Variants in SULT1B1 observed in about 807,000 individuals in gnomAD.
SULT1B1 encodes sulfotransferase family 1B member 1, also known as sulfotransferase 1B1.
In SULT1B1, 28 loss-of-function variants were observed where a neutral mutation model predicts 34.6. The ratio of observed to expected loss-of-function variants is 0.81; its 90% confidence interval spans 0.60 to 1.11. The LOEUF (loss-of-function observed/expected upper bound fraction) is 1.11. Among genes scored for constraint, SULT1B1 ranks in the 50% least tolerant of loss-of-function variants. The probability of loss-of-function intolerance (pLI) is 0.00; values close to 1 mark genes in which losing one functional copy is unlikely to be tolerated. For missense variants in SULT1B1, 374 were observed against 352.2 expected, an observed-to-expected ratio of 1.06 and a Z score of -0.50; for synonymous variants, 147 against 110.2, an observed-to-expected ratio of 1.33 and a Z score of -2.09.
rs778981988 is a variant in SULT1B1, at chr4:69,755,240, A to G, written c.-23T>C. 1 of 1,603,946 alleles carries G rather than the reference A, an allele frequency of 6.2e-7. No homozygotes were observed. The highest frequency in any genetic ancestry group is 1.7e-5 in the Admixed American group (1 of 59,692). On this transcript the variant is annotated 5_prime_UTR_variant, in exon 2 of 8. Coordinates refer to ENST00000310613, the MANE Select transcript of SULT1B1 (RefSeq NM_014465.4). ...CATTTTAATACCAGATTGTACAAAT[A>G]TATAATAGATTGACAGTTGTTCTGG...
intron 4 of SULT1B1, among the ~76,000 whole-genome samples, chr4:69,742,652 G>A (rs1378772148): frequency 6.6e-6 from 1 of 152,132 alleles, no homozygotes; most frequent in Non-Finnish European, 1.5e-5. Flanking sequence ...GTGGCCAGTG[G>A]CGCCTTTGTC....
intron 4 of SULT1B1, among the ~76,000 whole-genome samples, chr4:69,737,599 G>A (rs1456827519): frequency 6.6e-6 from 1 of 152,018 alleles, no homozygotes; most frequent in African/African-American, 2.4e-5. Context: ...ATGGAAGTAA[G>A]GTATTTACAC....
At chr4:69,755,005 A>G in intron 2 of SULT1B1, 65 bp downstream of exon 2, 1 of 1,400,506 alleles carries the variant, frequency 7.1e-7, no homozygotes, top group Non-Finnish European at 1.0e-6. Flanking sequence ...GATTTTATGG[A>G]CAAGTTGATT....
intron 3 of SULT1B1, among the ~76,000 whole-genome samples, chr4:69,750,999 T>G (rs1270106362): frequency 6.6e-6 from 1 of 152,248 alleles, no homozygotes; most frequent in Non-Finnish European, 1.5e-5. Context: ...GCAAGAATAT[T>G]TCCCTTACAA....
At position 69,724,327 on chromosome 4, in the gene SULT1B1, T is replaced by TC. The variant is rs1717741745; in HGVS notation, c.*2760dup. On this transcript the variant is annotated 3_prime_UTR_variant, in exon 8 of 8. Transcript: ENST00000310613. ...TCCAACTTACAAGGGATGTGAAGGA[T>TC]CACTTCAAGGAGAACTACAAACCAC... is the stretch of plus-strand genomic sequence containing the variant. The TC allele has an allele frequency of 6.6e-6, 1 of 152,050 alleles. No individual in the cohort carries two copies. Among genetic ancestry groups the TC allele is most frequent in the South Asian group, 2.1e-4 (1 of 4,832 alleles). The allele number at this position is 152,050 out of a possible 1,614,324, so 9.4% of individuals were successfully genotyped here.
chr4:69,735,486 C>T (rs1190135897), intron 4 of SULT1B1, among the ~76,000 whole-genome samples: 2 of 152,324 alleles, frequency 1.3e-5, no homozygotes, highest in African/African-American at 4.8e-5. Context: ...ATTCAAACTC[C>T]TGCGATATAA....
chr4:69,721,988 G>T lies in SULT1B1; in HGVS notation c.*5100C>A, dbSNP rs192804013. On this transcript the variant is annotated 3_prime_UTR_variant, in exon 8 of 8. Transcript: ENST00000310613. Reference sequence around the variant, plus strand: ...GCATTGTTTTAGAAAAATTAATTTTGCAGTATTCTGATTGATTTCAAAGGG... The same window carrying T: ...GCATTGTTTTAGAAAAATTAATTTTTCAGTATTCTGATTGATTTCAAAGGG... 1 of 152,030 alleles carries T rather than the reference G, an allele frequency of 6.6e-6. No homozygotes were observed. The highest frequency in any genetic ancestry group is 1.5e-5 in the Non-Finnish European group (1 of 67,972). The allele number at this position is 152,030 out of a possible 1,614,324, so 9.4% of individuals were successfully genotyped here. A position where few individuals can be genotyped will look rare whatever the true frequency, so the allele number is the denominator to read the frequency against.
chr4:69,730,806 G>T, intron 6 of SULT1B1, 125 bp from the exon 7 acceptor site: 1 of 812,600 alleles, frequency 1.2e-6, no homozygotes, highest in Non-Finnish European at 1.8e-6. Flanking sequence ...ATATTTGTTT[G>T]GGTTTTTCTC....
chr4:69,751,664 G>A (rs1456603563), intron 3 of SULT1B1, among the ~76,000 whole-genome samples: 1 of 152,114 alleles, frequency 6.6e-6, no homozygotes, highest in Non-Finnish European at 1.5e-5. Context: ...GTGTTAGCCA[G>A]GACTGTCTCG....
chr4:69,737,909 G>A (rs77105975), intron 4 of SULT1B1, among the ~76,000 whole-genome samples: 9,744 of 152,066 alleles, frequency 0.064, 352 homozygotes, highest in Middle Eastern at 0.12. Context: ...GTGCAGATTT[G>A]TTGCATATTT....
intron 4 of SULT1B1, among the ~76,000 whole-genome samples, chr4:69,735,771 G>A (rs1234509410): frequency 6.6e-6 from 1 of 152,132 alleles, no homozygotes; most frequent in African/African-American, 2.4e-5. Flanking sequence ...TCATAAAAAA[G>A]CGTCAACATT....
Position 69,756,451 on chromosome 4 carries a change from T to A in SULT1B1, c.-44-1190A>T, listed in dbSNP as rs547207886. Among the ~76,000 whole-genome samples, 53 of 152,288 alleles carry A rather than the reference T, an allele frequency of 3.5e-4. 1 individual carries two copies. Among genetic ancestry groups the A allele is most frequent in the Admixed American group, 2.6e-4 (4 of 15,284 alleles). ...TGGTGTTTTAGGACTAGATTAATAT[T>A]TAAATTGGTAGACTGAGTGATTGTC... On this transcript the variant is annotated intron_variant, in intron 1 of 7. Coordinates refer to ENST00000310613, the MANE Select transcript of SULT1B1 (RefSeq NM_014465.4).
In SULT1B1 at chr4:69,726,943, A is replaced by T; in HGVS notation, c.*145T>A. 1.8e-6 allele frequency: 1 copy of T among 551,154 alleles called. No homozygotes were observed. Among genetic ancestry groups the T allele is most frequent in the Non-Finnish European group, 3.0e-6 (1 of 333,370 alleles). 34.1% of individuals were successfully genotyped at this position (551,154 alleles called of 1,614,324 possible). ...AAAGGAACAAAACTGGGATCTGATT[A>T]ATAACATTGAAAAGAATCAACATAT... On this transcript the variant is annotated 3_prime_UTR_variant, in exon 8 of 8. Transcript: ENST00000310613.
At position 69,734,226 on chromosome 4, in the gene SULT1B1, G is replaced by A; in HGVS notation, c.414C>T (p.Val138=). The A allele has an allele frequency of 1.2e-6, 2 of 1,612,954 alleles. No individual in the cohort carries two copies. The highest frequency in any genetic ancestry group is 8.5e-7 in the Non-Finnish European group (1 of 1,179,488). ...YLARNAKDVS[V]SYYHFDLMNN... is the part of the protein sequence containing the mutation. ...TCATTAAGTCAAAATGGTAATATGA[G>A]ACTGAAACATCCTTGGCATTACGAG... The change falls in exon 5 of 8, where the codon GTC becomes GTT. Residue 138 remains valine, a synonymous_variant. Coordinates refer to ENST00000310613, the MANE Select transcript of SULT1B1 (RefSeq NM_014465.4).
intron 7 of SULT1B1, 68 bp downstream of exon 7, chr4:69,730,433 C>T: frequency 7.0e-7 from 1 of 1,432,776 alleles, no homozygotes; most frequent in South Asian, 1.3e-5. Flanking sequence ...GATCACAGAA[C>T]TAATCCTTAG....
At chr4:69,742,496 C>T (rs1017651360) in intron 4 of SULT1B1, among the ~76,000 whole-genome samples, 3 of 152,034 alleles carry the variant, frequency 2.0e-5, no homozygotes, top group South Asian at 2.1e-4. Context: ...TCTGTCTGGC[C>T]CAGGGGTTTG....
chr4:69,734,800 T>C lies in SULT1B1; in HGVS notation c.376-536A>G, dbSNP rs550893258. On this transcript the variant is annotated intron_variant, in intron 4 of 7. Transcript: ENST00000310613. ...CATCCAGTTCAGAAACTAGAAGGTA[T>C]AGACTCACTATTTTCTACTTCGCTA... is the stretch of plus-strand genomic sequence containing the variant. Among the ~76,000 whole-genome samples the C allele has an allele frequency of 2.5e-4, 38 of 151,204 alleles. No homozygotes were observed. In the South Asian group the frequency reaches 4.0e-3, roughly 16 times the overall value.
chr4:69,743,541 C>T (rs746814751), intron 4 of SULT1B1, among the ~76,000 whole-genome samples: 26 of 152,172 alleles, frequency 1.7e-4, no homozygotes, highest in Non-Finnish European at 2.9e-4. Flanking sequence ...GGGGCTTCAC[C>T]CGGGACCCAC....
Position 69,727,092 on chromosome 4 carries a change from ATC to A in SULT1B1, c.885_886del (p.Glu295AspfsTer17), listed in dbSNP as rs1717862345. Reference sequence around the variant, plus strand: ...CAGATGTGTGATTTAGACACTTTAAATCTCTGTGCGGAATTGAAGTGCAGTTT... The same window carrying A: ...CAGATGTGTGATTTAGACACTTTAAATCTGTGCGGAATTGAAGTGCAGTTT... On this transcript the variant is annotated frameshift_variant, in exon 8 of 8. Coordinates refer to ENST00000310613, the MANE Select transcript of SULT1B1 (RefSeq NM_014465.4). LOFTEE classifies it high-confidence loss of function. 3 of 1,599,794 alleles carry A rather than the reference ATC, an allele frequency of 1.9e-6. No individual in the cohort carries two copies. Among genetic ancestry groups the A allele is most frequent in the Non-Finnish European group, 2.6e-6 (3 of 1,173,642 alleles).
Sources: gnomAD v4.1 joint callset for allele counts (sites outside exome capture counted in the v4.1 genomes callset) on GRCh38, gnomAD v4.1.1 for gene constraint, MANE v1.5 for transcripts, NCBI Gene and HGNC (gene_info 2026-07-23, HGNC 2026-07-21) for gene names.